The following KIR3DL3 variants were observed in gnomAD, a reference collection of about 807,000 sequenced individuals.
The protein encoded by KIR3DL3 is killer cell immunoglobulin like receptor, three Ig domains and long cytoplasmic tail 3, also known as killer cell immunoglobulin-like receptor 3DL3.
KIR3DL3 carries 27 observed loss-of-function variants against 34.9 expected under a neutral mutation model. The observed-to-expected ratio is 0.77, with a 90% CI of 0.57 to 1.07. The LOEUF is 1.07. KIR3DL3 is among the 50% of genes least tolerant of loss of function. The probability of loss-of-function intolerance (pLI) is 0.00; values close to 1 mark genes in which losing one functional copy is unlikely to be tolerated. For synonymous variants in KIR3DL3, 217 were observed against 200.2 expected (o/e 1.08, Z -0.71); for missense variants, 681 against 528.5 (o/e 1.29, Z -2.83).
rs62132665 is a variant in KIR3DL3, at chr19:54,727,702, G to C, written c.447G>C (p.Arg149Ser). Residue 149 changes from arginine (R) to serine (S), a missense_variant, in exon 4 of 8, where the codon AGG becomes AGC. Physicochemically the swap from Arg to Ser is moderately radical, Grantham distance 110 (BLOSUM62 -1). Transcript: ENST00000291860. ...TCCTGCAATGTTGGTCAGATGTCAG[G>C]TTTGAGCGCTTCCTTCTGCACAGAG... Reference protein sequence around the residue: ...TVILQCWSDVRFERFLLHREG... With the variant: ...TVILQCWSDVSFERFLLHREG... 2 of 1,612,728 alleles carry C rather than the reference G, an allele frequency of 1.2e-6. No individual in the cohort carries two copies. Among genetic ancestry groups the C allele is most frequent in the Admixed American group, 1.7e-5 (1 of 59,790 alleles).
intron 6 of KIR3DL3, 109 bp downstream of exon 6, chr19:54,735,466 A>C (rs2069424287): frequency 1.6e-6 from 1 of 631,992 alleles, no homozygotes; most frequent in Non-Finnish European, 2.8e-6. Flanking sequence ...GGCCCAAGGC[A>C]GGAGCCACAG....
intron 5 of KIR3DL3, among the ~76,000 whole-genome samples, chr19:54,731,595 G>T (rs1472562723): frequency 1.3e-5 from 2 of 152,018 alleles, no homozygotes; most frequent in African/African-American, 4.8e-5. Context: ...TTATCTCACA[G>T]TGCTGTAACT....
At position 54,727,752 on chromosome 19, in the gene KIR3DL3, G is replaced by T. The variant is rs201591361; in HGVS notation, c.497G>T (p.Arg166Leu). Residue 166 changes from arginine (R) to leucine (L), a missense_variant, in exon 4 of 8, where the codon CGC (arginine) becomes CTC (leucine). Arg to Leu is a moderately radical substitution (Grantham distance 102). Transcript: ENST00000291860. ...GAGGGGATCACTGAGGACCCCTTGC[G>T]CCTCGTTGGACAGCTCCACGATGCG... The part of the protein sequence containing the change: ...HREGITEDPL[R>L]LVGQLHDAGS... The T allele has an allele frequency of 1.9e-6, 3 of 1,612,728 alleles. No individual in the cohort carries two copies. The highest frequency in any genetic ancestry group is 2.7e-5 in the African/African-American group (2 of 74,760).
At chr19:54,730,389 A>G (rs1368938924) in intron 5 of KIR3DL3, among the ~76,000 whole-genome samples, 1 of 149,786 alleles carries the variant, frequency 6.7e-6, no homozygotes, top group African/African-American at 2.5e-5. Context: ...ATCCATCTGT[A>G]CTAAAAATAC....
intron 5 of KIR3DL3, among the ~76,000 whole-genome samples, chr19:54,732,109 G>C (rs2068862953): frequency 1.3e-5 from 2 of 152,166 alleles, no homozygotes; most frequent in Admixed American, 1.3e-4. Flanking sequence ...GATGCATTTG[G>C]CCTCTGCTCT....
At chr19:54,732,123 G>A (rs1353418595) in intron 5 of KIR3DL3, among the ~76,000 whole-genome samples, 1 of 152,174 alleles carries the variant, frequency 6.6e-6, no homozygotes, top group Admixed American at 6.5e-5. Flanking sequence ...CTGCTCTTGG[G>A]ACGCTGATAT....
In KIR3DL3 at chr19:54,736,105, T is replaced by A. The variant is rs2146901411; in HGVS notation, c.*9T>A. ...CAGATACCAGCGTGTAACACGGAAC[T>A]TCCAAATGCTGAGCGCAGATCCAAA... On this transcript the variant is annotated 3_prime_UTR_variant, in exon 8 of 8. Coordinates refer to ENST00000291860, the MANE Select transcript of KIR3DL3 (RefSeq NM_153443.5). 2 of 1,612,344 alleles carry A rather than the reference T, an allele frequency of 1.2e-6. No homozygotes were observed. Among genetic ancestry groups the A allele is most frequent in the African/African-American group, 2.7e-5 (2 of 74,198 alleles).
intron 5 of KIR3DL3, 116 bp from the exon 6 acceptor site, chr19:54,735,137 G>A: frequency 2.4e-6 from 2 of 821,140 alleles, no homozygotes; most frequent in South Asian, 2.9e-5. Flanking sequence ...CCGCCATCTG[G>A]GTGCTTGTCC....
At chr19:54,727,155 C>A (rs1291440893) in intron 3 of KIR3DL3, among the ~76,000 whole-genome samples, 2 of 130,232 alleles carry the variant, frequency 1.5e-5, no homozygotes, top group Non-Finnish European at 3.3e-5. Context: ...GGAGAAGGCA[C>A]AGACATGAAA....
rs1423968414 is a variant in KIR3DL3, at chr19:54,725,921, C to T, written c.71-132C>T. 9.0e-5 allele frequency: 74 copies of T among 822,114 alleles called. No homozygotes were observed. In the East Asian group the frequency reaches 1.7e-3, roughly 19 times the overall value. The allele number at this position is 822,114 out of a possible 1,614,324, so 50.9% of individuals were successfully genotyped here. On this transcript the variant is annotated intron_variant, in intron 2 of 7. Transcript: ENST00000291860. ...ACGCCATGTCTATGCGGGATGGGTC[C>T]TTCCTGTAGCCCTGGGCACCCAGGT...
rs16985907 is a variant in KIR3DL3 at position 54,735,345 on chromosome 19, G to A, written c.1042G>A (p.Ala348Thr). The A allele has an allele frequency of 8.8e-6, 12 of 1,357,182 alleles. No homozygotes were observed. Among genetic ancestry groups the A allele is most frequent in the South Asian group, 1.2e-5 (1 of 84,214 alleles). 84.1% of individuals were successfully genotyped at this position (1,357,182 alleles called of 1,614,324 possible). A position where few individuals can be genotyped will look rare whatever the true frequency, so the allele number is the denominator to read the frequency against. Reference protein sequence around the residue: ...LLFFLLHRWCANKKNAVVMDQ... With the variant: ...LLFFLLHRWCTNKKNAVVMDQ... The stretch of plus-strand genomic sequence containing the variant: ...CTTCTTTCTCCTTCATCGCTGGTGT[G>A]CCAACAAAAAGAGTAAGTCTCACGA... The change falls in exon 6 of 8, where the codon GCC (alanine) becomes ACC (threonine). Residue 348 changes from alanine (A) to threonine (T), a missense_variant. Transcript: ENST00000291860.
Position 54,726,153 on chromosome 19 carries a change from A to G in KIR3DL3, c.171A>G (p.Glu57=), listed in dbSNP as rs1394169172. 9 of 1,612,682 alleles carry G rather than the reference A, an allele frequency of 5.6e-6. No homozygotes were observed. The Admixed American group carries it at 1.5e-4, about 27-fold the overall frequency. Residue 57 remains glutamate (E), a synonymous_variant, in exon 3 of 8, where the codon GAA becomes GAG. Transcript: ENST00000291860. ...LQCRSRLGFN[E]FSLSKEDGMP... is the part of the protein sequence containing the mutation. ...GTCGCTCTCGTCTTGGGTTTAATGA[A>G]TTCAGTCTGTCCAAAGAAGACGGGA...
At chr19:54,727,408 G>A (rs1279766762) in intron 3 of KIR3DL3, among the ~76,000 whole-genome samples, 1 of 135,554 alleles carries the variant, frequency 7.4e-6, no homozygotes, top group African/African-American at 2.7e-5. Flanking sequence ...GGGAATCAGG[G>A]CTACTAGAGA....
At chr19:54,728,249 T>C (rs1217662441) in intron 4 of KIR3DL3, among the ~76,000 whole-genome samples, 5 of 149,596 alleles carry the variant, frequency 3.3e-5, no homozygotes, top group African/African-American at 1.2e-4. Flanking sequence ...TCCATTCTGT[T>C]TTACCTCTAC....
At chr19:54,725,389 A>G in intron 2 of KIR3DL3, 107 bp downstream of exon 2, 1 of 871,440 alleles carries the variant, frequency 1.1e-6, no homozygotes, top group Non-Finnish European at 1.7e-6. Flanking sequence ...TGACCATGGG[A>G]AGCCATGTGG....
chr19:54,730,916 C>A (rs538352369), intron 5 of KIR3DL3, among the ~76,000 whole-genome samples: 1 of 152,210 alleles, frequency 6.6e-6, no homozygotes, highest in African/African-American at 2.4e-5. Context: ...CACTTCGATA[C>A]GCTGATGTCC....
chr19:54,726,234 T>C lies in KIR3DL3; in HGVS notation c.252T>C (p.Pro84=). Residue 84 remains proline (P), a synonymous_variant, in exon 3 of 8, where the codon CCT becomes CCC. Coordinates refer to ENST00000291860, the MANE Select transcript of KIR3DL3 (RefSeq NM_153443.5). The stretch of plus-strand genomic sequence containing the variant: ...TCCGGAACAGCTTTCTCATGGGCCC[T>C]GTGACCCCAGCACATGCAGGGACCT... ...RIFRNSFLMG[P]VTPAHAGTYR... 6.2e-7 allele frequency: 1 copy of C among 1,613,902 alleles called. No individual in the cohort carries two copies. The highest frequency in any genetic ancestry group is 8.5e-7 in the Non-Finnish European group (1 of 1,179,966).
chr19:54,727,482 A>C, intron 3 of KIR3DL3, 129 bp from the exon 4 acceptor site: 1 of 880,144 alleles, frequency 1.1e-6, no homozygotes, highest in East Asian at 2.6e-5. Flanking sequence ...TATGGGCACA[A>C]AAGAACACGG....
chr19:54,726,117 G>A lies in KIR3DL3; in HGVS notation c.135G>A (p.Val45=), dbSNP rs2146753669. Reference sequence around the variant, plus strand: ...CTGTGGTGTCTGAAGGACAACATGTGACTCTTCAGTGTCGCTCTCGTCTTG... The same window carrying A: ...CTGTGGTGTCTGAAGGACAACATGTAACTCTTCAGTGTCGCTCTCGTCTTG... The part of the protein sequence containing the change: ...PGTVVSEGQH[V]TLQCRSRLGF... Residue 45 remains valine, a synonymous_variant, in exon 3 of 8, where the codon GTG becomes GTA. Transcript: ENST00000291860. 8 of 1,613,376 alleles carry A rather than the reference G, an allele frequency of 5.0e-6. No homozygotes were observed. In the East Asian group the frequency reaches 1.8e-4, roughly 36 times the overall value.
Sources: gnomAD v4.1 joint callset for allele counts (sites outside exome capture counted in the v4.1 genomes callset) on GRCh38, gnomAD v4.1.1 for gene constraint, MANE v1.5 for transcripts, NCBI Gene and HGNC (gene_info 2026-07-23, HGNC 2026-07-21) for gene names.